The following FADS6 variants were observed in gnomAD, a reference collection of about 807,000 sequenced individuals.
FADS6 encodes fatty acid desaturase 6, also known as fatty acid desaturase domain family, member 6.
In FADS6, 28 loss-of-function variants were observed where a neutral mutation model predicts 31.7. That is an observed-to-expected ratio of 0.88 (90% CI 0.66 to 1.21). FADS6 has a LOEUF of 1.21. Ranked by LOEUF, FADS6 falls within the 50% of genes most tolerant of loss-of-function variation. FADS6 has a pLI of 0.00. For synonymous variants in FADS6, 191 were observed against 213.1 expected (o/e 0.90, Z 0.90); for missense variants, 494 against 504.2 (o/e 0.98, Z 0.19).
At chr17:74,881,284 C>T (rs1367360641) in intron 3 of FADS6, 29 bp from the exon 4 acceptor site, 2 of 1,560,264 alleles carry the variant, frequency 1.3e-6, no homozygotes, top group Admixed American at 1.9e-5. Context: ...ACAGGCAAGG[C>T]TCAGATCCAT....
In FADS6 at chr17:74,882,510, C is replaced by T. The variant is rs146475710; in HGVS notation, c.592+20G>A. 7.9e-5 allele frequency: 127 copies of T among 1,597,498 alleles called. No homozygotes were observed. In the African/African-American group the frequency reaches 1.3e-3, roughly 16 times the overall value. On this transcript the variant is annotated intron_variant, in intron 3 of 5. Transcript: ENST00000612771. The stretch of plus-strand genomic sequence containing the variant: ...TAGGTCCATGCAGGACACTGCGGAC[C>T]GGGCTCTCATGGCACTCACCGACAG...
chr17:74,886,973 G>T (rs1164754345), intron 2 of FADS6, among the ~76,000 whole-genome samples: 2 of 151,746 alleles, frequency 1.3e-5, no homozygotes, highest in Non-Finnish European at 2.9e-5. Flanking sequence ...GTCAGGGACT[G>T]TCCTGTGCAC....
intron 3 of FADS6, 127 bp from the exon 4 acceptor site, chr17:74,881,382 G>A (rs920859816): frequency 2.3e-5 from 20 of 861,550 alleles, no homozygotes; most frequent in Middle Eastern, 3.6e-4. Flanking sequence ...GCCCTGAAAA[G>A]CAGGGCACCC....
intron 4 of FADS6, 89 bp downstream of exon 4, chr17:74,880,979 T>A: frequency 7.3e-7 from 1 of 1,364,490 alleles, no homozygotes; most frequent in Non-Finnish European, 9.9e-7. Context: ...GTGGCCCCTC[T>A]CTCCTCAACC....
chr17:74,879,237 A>T lies in FADS6; in HGVS notation c.960+167T>A, dbSNP rs914312245. 3.6e-5 allele frequency: 29 copies of T among 796,646 alleles called. No individual in the cohort carries two copies. In the African/African-American group the frequency reaches 4.4e-4, roughly 12 times the overall value. The allele number at this position is 796,646 out of a possible 1,614,324, so 49.3% of individuals were successfully genotyped here. ...TTTTTTGTAGAGATGGGGTTTCACC[A>T]TGTTGCCCAGGCTGCTCTCAAACTC... On this transcript the variant is annotated intron_variant, in intron 5 of 5. Transcript: ENST00000612771.
At chr17:74,887,058 T>A (rs926557814) in intron 2 of FADS6, among the ~76,000 whole-genome samples, 2 of 102,640 alleles carry the variant, frequency 1.9e-5, no homozygotes, top group Non-Finnish European at 3.7e-5. Flanking sequence ...CACACTCCAG[T>A]CTTTTTTTTT....
chr17:74,889,319 G>A (rs964188019), intron 2 of FADS6, among the ~76,000 whole-genome samples: 2 of 152,172 alleles, frequency 1.3e-5, no homozygotes, highest in African/African-American at 2.4e-5. Flanking sequence ...GAGCGTCAAG[G>A]TTTGGGAAAA....
At chr17:74,881,800 T>C (rs1429365791) in intron 3 of FADS6, among the ~76,000 whole-genome samples, 2 of 151,272 alleles carry the variant, frequency 1.3e-5, no homozygotes, top group Non-Finnish European at 3.0e-5. Flanking sequence ...CATTAAGCAA[T>C]CTGACCAAGG....
Position 74,878,282 on chromosome 17 carries a change from C to T in FADS6, c.*49G>A. The T allele has an allele frequency of 6.4e-7, 1 of 1,566,288 alleles. No homozygotes were observed. The highest frequency in any genetic ancestry group is 8.7e-7 in the Non-Finnish European group (1 of 1,155,654). On this transcript the variant is annotated 3_prime_UTR_variant, in exon 6 of 6. Coordinates refer to ENST00000612771, the MANE Select transcript of FADS6 (RefSeq NM_178128.6). ...CCCTGGACCAGCAGCAGCAGGAGGG[C>T]CAGGGCCAGGCCAGGGAGGGGCAGG...
At chr17:74,889,422 C>T (rs2038664191) in intron 2 of FADS6, among the ~76,000 whole-genome samples, 1 of 152,142 alleles carries the variant, frequency 6.6e-6, no homozygotes, top group Non-Finnish European at 1.5e-5. Context: ...GGGGCATCCT[C>T]TGAGGTCCTA....
intron 5 of FADS6, 108 bp downstream of exon 5, chr17:74,879,296 G>T: frequency 7.3e-7 from 1 of 1,376,056 alleles, no homozygotes; most frequent in Non-Finnish European, 9.8e-7. Flanking sequence ...CTCAGCCTCC[G>T]CAAGTGCCAG....
chr17:74,880,583 A>G (rs1043086591), intron 4 of FADS6, among the ~76,000 whole-genome samples: 2 of 152,036 alleles, frequency 1.3e-5, no homozygotes, highest in Non-Finnish European at 2.9e-5. Flanking sequence ...ACCTCAGGTG[A>G]TCCACCCACC....
downstream of FADS6, among the ~76,000 whole-genome samples, chr17:74,876,112 G>A (rs73997531): frequency 0.011 from 1,619 of 152,250 alleles, 38 homozygotes; most frequent in African/African-American, 0.036. Context: ...TGAATGGAGA[G>A]TGCACATAAA....
At chr17:74,888,791 A>T (rs562892924) in intron 2 of FADS6, among the ~76,000 whole-genome samples, 1 of 152,238 alleles carries the variant, frequency 6.6e-6, no homozygotes, top group East Asian at 1.9e-4. Context: ...TCCTTTCAGG[A>T]GTTAATCTTT....
At chr17:74,879,169 T>C in intron 5 of FADS6, 1 of 499,582 alleles carries the variant, frequency 2.0e-6, no homozygotes, top group Non-Finnish European at 3.6e-6. Context: ...TCCAAGCAGC[T>C]GGGACCACAA....
rs199975806 is a variant in FADS6 at position 74,879,540 on chromosome 17, C to T, written c.824G>A (p.Arg275Gln). Residue 275 changes from arginine to glutamine, a missense_variant, in exon 5 of 6, where the codon CGG (arginine) becomes CAG (glutamine). Physicochemically the swap from Arg to Gln is conservative, Grantham distance 43. Coordinates refer to ENST00000612771, the MANE Select transcript of FADS6 (RefSeq NM_178128.6). The stretch of plus-strand genomic sequence containing the variant: ...CACCCCCAGGCTCATCATGTGAATC[C>T]GACGGGGCTTGTTGTCCCGGGAGAA... ...PMFSRDNKPR[R>Q]IHMMSLGVLN... 117 of 1,613,446 alleles carry T rather than the reference C, an allele frequency of 7.3e-5. No individual in the cohort carries two copies. The highest frequency in any genetic ancestry group is 2.1e-4 in the South Asian group (19 of 91,054).
At position 74,878,238 on chromosome 17, in the gene FADS6, C is replaced by T; in HGVS notation, c.*93G>A. 1 of 1,479,178 alleles carries T rather than the reference C, an allele frequency of 6.8e-7. No homozygotes were observed. Among genetic ancestry groups the T allele is most frequent in the Non-Finnish European group, 9.0e-7 (1 of 1,114,832 alleles). 91.6% of individuals were successfully genotyped at this position (1,479,178 alleles called of 1,614,324 possible). ...GTGCCTCCACTCTCCAGGTCCACCA[C>T]CAGCCACTGAGCCACACCCCCTGGA... is the stretch of plus-strand genomic sequence containing the variant. On this transcript the variant is annotated 3_prime_UTR_variant, in exon 6 of 6. Coordinates refer to ENST00000612771, the MANE Select transcript of FADS6 (RefSeq NM_178128.6).
At chr17:74,879,963 T>C (rs1042993891) in intron 4 of FADS6, among the ~76,000 whole-genome samples, 1 of 152,180 alleles carries the variant, frequency 6.6e-6, no homozygotes, top group Non-Finnish European at 1.5e-5. Flanking sequence ...TCAAGTTTAA[T>C]AGGCAGTGTC....
chr17:74,879,147 C>T, intron 5 of FADS6: 2 of 448,518 alleles, frequency 4.5e-6, no homozygotes, highest in African/African-American at 2.0e-5. Flanking sequence ...TCAGGTGGTC[C>T]TCACCTCAGC....
Sources: allele counts gnomAD v4.1 joint callset (sites outside exome capture counted in the v4.1 genomes callset), GRCh38; gene constraint gnomAD v4.1.1; transcripts MANE v1.5; gene names NCBI Gene and HGNC (gene_info 2026-07-23, HGNC 2026-07-21).